The following GFPT2 variants were observed in gnomAD, a reference collection of about 807,000 sequenced individuals.
The protein encoded by GFPT2 is glutamine--fructose-6-phosphate transaminase 2, also known as glutamine--fructose-6-phosphate aminotransferase [isomerizing] 2.
GFPT2 carries 62 observed loss-of-function variants against 85.6 expected under a neutral mutation model. That is an observed-to-expected ratio of 0.72 (90% CI 0.59 to 0.90). The LOEUF is 0.90. GFPT2 is among the 40% of genes least tolerant of loss of function. GFPT2 has a pLI of 0.00. For missense variants in GFPT2, 788 were observed against 893.4 expected, an observed-to-expected ratio of 0.88 and a Z score of 1.50; for synonymous variants, 368 against 344.5, an observed-to-expected ratio of 1.07 and a Z score of -0.75.
rs542487763 is a variant in GFPT2 at position 180,336,460 on chromosome 5, T to G, written c.214+19A>C. 4.5e-5 allele frequency: 63 copies of G among 1,397,756 alleles called. No homozygotes were observed. The highest frequency in any genetic ancestry group is 6.2e-5 in the Non-Finnish European group (61 of 982,490). 86.6% of individuals were successfully genotyped at this position (1,397,756 alleles called of 1,614,324 possible). A position where few individuals can be genotyped will look rare whatever the true frequency, so the allele number is the denominator to read the frequency against. On this transcript the variant is annotated intron_variant, in intron 3 of 18. Transcript: ENST00000253778. The stretch of plus-strand genomic sequence containing the variant: ...CCGGCGCTGCAGCGGCTCCTCCCAC[T>G]CAGAGGTCCTCCACTTACTGTAAAG...
chr5:180,338,422 CA>C lies in GFPT2; in HGVS notation c.115+70del, dbSNP rs1257354330. 5.6e-6 allele frequency: 4 copies of C among 712,598 alleles called. No homozygotes were observed. In the African/African-American group the frequency reaches 7.1e-5, roughly 13 times the overall value. 44.1% of individuals were successfully genotyped at this position (712,598 alleles called of 1,614,324 possible). A position where few individuals can be genotyped will look rare whatever the true frequency, so the allele number is the denominator to read the frequency against. On this transcript the variant is annotated intron_variant, in intron 2 of 18. Transcript: ENST00000253778. ...AATGCCCTGGTTGTAAACCCCCCTG[CA>C]GTGGAGATGGGTGAGACCACAGCAG...
intron 1 of GFPT2, among the ~76,000 whole-genome samples, chr5:180,342,180 A>G (rs928411229): frequency 3.9e-5 from 6 of 152,100 alleles, no homozygotes; most frequent in African/African-American, 1.4e-4. Flanking sequence ...ATGTGGAACT[A>G]TGAGTCCATT....
intron 1 of GFPT2, among the ~76,000 whole-genome samples, chr5:180,345,317 A>T (rs770245837): frequency 6.6e-6 from 1 of 152,264 alleles, no homozygotes; most frequent in South Asian, 2.1e-4. Context: ...TCTCAGGCCC[A>T]CAAGGCCGCG....
At chr5:180,336,011 G>GT in intron 3 of GFPT2, 58 bp from the exon 4 acceptor site, 1 of 1,495,206 alleles carries the variant, frequency 6.7e-7, no homozygotes, top group South Asian at 1.4e-5. Context: ...ACCCAGGACT[G>GT]TGAGTGCAAC....
rs1330073823 is a variant in GFPT2, at chr5:180,328,012, T to C, written c.596+265A>G. Among the ~76,000 whole-genome samples the C allele has an allele frequency of 2.0e-5, 3 of 152,262 alleles. No homozygotes were observed. The highest frequency in any genetic ancestry group is 6.5e-5 in the Admixed American group (1 of 15,294). On this transcript the variant is annotated intron_variant, in intron 7 of 18. Transcript: ENST00000253778. The surrounding 1 kb of genome is among the most constrained non-coding windows in gnomAD (Gnocchi z 5.4). ...GTACGATTTTATTTATAACTGGAAT[T>C]TGTTGCCCACCTCTAAAAATCTGTG...
chr5:180,307,147 G>A, intron 16 of GFPT2, 29 bp downstream of exon 16: 1 of 952,238 alleles, frequency 1.1e-6, no homozygotes, highest in Non-Finnish European at 1.4e-6. Flanking sequence ...TGTCCTCCGT[G>A]GGGGTGGGGG....
intron 9 of GFPT2, among the ~76,000 whole-genome samples, chr5:180,320,763 T>C (rs1481493042): frequency 6.6e-6 from 1 of 152,028 alleles, no homozygotes; most frequent in Non-Finnish European, 1.5e-5. Flanking sequence ...CAAGACTCCG[T>C]CTCAAAAAAA....
intron 16 of GFPT2, 144 bp downstream of exon 16, chr5:180,307,032 C>T: frequency 1.6e-6 from 1 of 635,774 alleles, no homozygotes; most frequent in Non-Finnish European, 2.7e-6. Context: ...AGAGCTGGTG[C>T]TCAGCGCAGG....
rs1446587806 is a variant in GFPT2, at chr5:180,316,715, C to T, written c.1152+49G>A. 5 of 1,325,494 alleles carry T rather than the reference C, an allele frequency of 3.8e-6. No homozygotes were observed. In the Admixed American group the frequency reaches 9.0e-5, roughly 24 times the overall value. The allele number at this position is 1,325,494 out of a possible 1,614,324, so 82.1% of individuals were successfully genotyped here. A position where few individuals can be genotyped will look rare whatever the true frequency, so the allele number is the denominator to read the frequency against. On this transcript the variant is annotated intron_variant, in intron 12 of 18. Transcript: ENST00000253778. ...GAGTGATAAAACTGAAGGCCAGTGT[C>T]TGGTCCTAGACTGCCGTCGACTTCC...
At chr5:180,342,400 G>A (rs1764533980) in intron 1 of GFPT2, among the ~76,000 whole-genome samples, 1 of 145,316 alleles carries the variant, frequency 6.9e-6, no homozygotes, top group Admixed American at 7.2e-5. Context: ...TCATGTTTAG[G>A]TGAAATGTTT....
At chr5:180,333,525 T>C (rs6874176) in intron 4 of GFPT2, among the ~76,000 whole-genome samples, 22,739 of 152,228 alleles carry the variant, frequency 0.15, 1,857 homozygotes, top group East Asian at 0.19. Context: ...TGAGCCACCA[T>C]GCCTGGCCGG....
chr5:180,341,893 T>G (rs1449153069), intron 1 of GFPT2, among the ~76,000 whole-genome samples: 2 of 152,254 alleles, frequency 1.3e-5, no homozygotes, highest in African/African-American at 4.8e-5. Context: ...TTTTGTCACC[T>G]TATTTTTTAA....
intron 2 of GFPT2, among the ~76,000 whole-genome samples, chr5:180,337,594 A>AC (rs751050232): frequency 9.6e-4 from 146 of 152,130 alleles, no homozygotes; most frequent in Non-Finnish European, 1.8e-3. Context: ...ACCACAGACC[A>AC]CCCCCACAGA....
At chr5:180,332,247 GGGGGGAGCA>G (rs1459672036) in intron 4 of GFPT2, among the ~76,000 whole-genome samples, 9 of 147,772 alleles carry the variant, frequency 6.1e-5, no homozygotes, top group South Asian at 4.3e-4. Context: ...GCGGGGGGGC[GGGGGGAGCA>G]GGGGGATGCG....
At chr5:180,336,085 G>C (rs1375037434) in intron 3 of GFPT2, 132 bp from the exon 4 acceptor site, 1 of 810,174 alleles carries the variant, frequency 1.2e-6, no homozygotes, top group Non-Finnish European at 1.9e-6. Context: ...CTCCCACCCT[G>C]GGAGTCCGCG....
At chr5:180,329,208 G>A (rs62404934) in intron 6 of GFPT2, among the ~76,000 whole-genome samples, 28,240 of 152,176 alleles carry the variant, frequency 0.19, 3,203 homozygotes, top group Non-Finnish European at 0.26. Context: ...CCCAGGCCCC[G>A]GGTGGTCAGC....
intron 1 of GFPT2, among the ~76,000 whole-genome samples, chr5:180,344,752 C>T (rs1224883555): frequency 3.3e-5 from 5 of 152,174 alleles, no homozygotes; most frequent in East Asian, 1.9e-4. Context: ...CTGCAGGGGA[C>T]GCCAGGCCTG....
At chr5:180,353,089 G>A (rs1764748930) in intron 1 of GFPT2, 122 bp downstream of exon 1, 1 of 797,346 alleles carries the variant, frequency 1.3e-6, no homozygotes, top group Non-Finnish European at 1.7e-6. Flanking sequence ...AGGGGCCCGG[G>A]GCAGATCGGC....
Position 180,353,249 on chromosome 5 carries a change from G to C in GFPT2, c.-32C>G, listed in dbSNP as rs1229586690. 5 of 1,240,662 alleles carry C rather than the reference G, an allele frequency of 4.0e-6. No individual in the cohort carries two copies. Among genetic ancestry groups the C allele is most frequent in the Middle Eastern group, 2.5e-4 (1 of 3,946 alleles). The allele number at this position is 1,240,662 out of a possible 1,614,324, so 76.9% of individuals were successfully genotyped here. ...TGCTTCTCGGGCTCCTTCGCGGCTCGAGGGGGTCTGCCCGTTCGGACGCTG... is the reference window on the plus strand; with the variant it reads ...TGCTTCTCGGGCTCCTTCGCGGCTCCAGGGGGTCTGCCCGTTCGGACGCTG... On this transcript the variant is annotated 5_prime_UTR_variant, in exon 1 of 19. Transcript: ENST00000253778.
Sources: allele counts gnomAD v4.1 joint callset (sites outside exome capture counted in the v4.1 genomes callset), GRCh38; gene constraint gnomAD v4.1.1; non-coding constraint Gnocchi (gnomAD v3.1); transcripts MANE v1.5; gene names NCBI Gene and HGNC (gene_info 2026-07-23, HGNC 2026-07-21).